Variants in TRPV3 observed in about 807,000 individuals in gnomAD.
The protein encoded by TRPV3 is VRL-3.
Under a neutral mutation model 87.1 loss-of-function variants are expected in TRPV3, and 88 were observed. That is an observed-to-expected ratio of 1.01 (90% CI 0.85 to 1.21). TRPV3 has a LOEUF of 1.21. TRPV3 is among the 50% of genes most tolerant of loss of function. The pLI, the probability that TRPV3 is intolerant of heterozygous loss-of-function variation, is 0.00. For synonymous variants in TRPV3, 438 were observed against 423.3 expected (o/e 1.03, Z -0.43); for missense variants, 1,054 against 1,030.1 (o/e 1.02, Z -0.32).
intron 17 of TRPV3, 63 bp from the exon 18 acceptor site, chr17:3,514,074 CTTTTTCTTT>C (rs539984194): frequency 7.8e-5 from 109 of 1,403,826 alleles, no homozygotes; most frequent in Non-Finnish European, 9.0e-5. Flanking sequence ...TTTCTTTTTT[CTTTTTCTTT>C]TTTTTCTTTT....
At chr17:3,523,043 C>T (rs1272973938) in intron 13 of TRPV3, among the ~76,000 whole-genome samples, 3 of 152,040 alleles carry the variant, frequency 2.0e-5, no homozygotes, top group Admixed American at 6.6e-5. Flanking sequence ...ACTGTATTTA[C>T]ATCATGAAAA....
chr17:3,517,032 C>G (rs1258109749), intron 15 of TRPV3, among the ~76,000 whole-genome samples: 4 of 152,206 alleles, frequency 2.6e-5, no homozygotes, highest in African/African-American at 9.6e-5. Context: ...ATAATCCCAG[C>G]TACTCGGGAG....
chr17:3,522,602 C>T lies in TRPV3; in HGVS notation c.1744-1563G>A, dbSNP rs536485587. On this transcript the variant is annotated intron_variant, in intron 13 of 17. Coordinates refer to ENST00000576742, the MANE Select transcript of TRPV3 (RefSeq NM_145068.4). ...TGGGAGGCCGAGGCGGACGGATCAC[C>T]TGAGGTCAAGAGTTGGAGACCAGCC... 1.4e-3 allele frequency among the ~76,000 whole-genome samples: 205 copies of T among 150,160 alleles called. 1 individual carries two copies. Among genetic ancestry groups the T allele is most frequent in the African/African-American group, 4.1e-3 (169 of 40,824 alleles).
At position 3,557,337 on chromosome 17, in the gene TRPV3, C is replaced by G. The variant is rs1052855196; in HGVS notation, c.-3+339G>C. ...CCCATCACAATCCTGCCCCAGAAAG[C>G]CACCTCCCTGGGTCAGCCTCGGGAG... On this transcript the variant is annotated intron_variant, in intron 1 of 17. Transcript: ENST00000576742. This position sits in a 1 kb window ranked among gnomAD's most constrained non-coding sequence, Gnocchi z 4.5. Among the ~76,000 whole-genome samples, 3 of 152,206 alleles carry G rather than the reference C, an allele frequency of 2.0e-5. No homozygotes were observed. The highest frequency in any genetic ancestry group is 4.4e-5 in the Non-Finnish European group (3 of 68,030).
Position 3,518,642 on chromosome 17 carries a change from G to A in TRPV3, c.2019C>T (p.Leu673=), listed in dbSNP as rs1365683743. The change falls in exon 15 of 18, where the codon CTC becomes CTT. Residue 673 remains leucine (L), a synonymous_variant. Coordinates refer to ENST00000576742, the MANE Select transcript of TRPV3 (RefSeq NM_145068.4). This position sits in a 1 kb window ranked among gnomAD's most constrained non-coding sequence, Gnocchi z 4.3. ...ILTFVLLLNM[L]IALMGETVEN... ...CCACAGTCTCGCCCATCAGAGCAAT[G>A]AGCATGTTGAGGAGGAGAACAAAGG... The A allele has an allele frequency of 1.3e-5, 21 of 1,593,146 alleles. No individual in the cohort carries two copies. Among genetic ancestry groups the A allele is most frequent in the Non-Finnish European group, 1.8e-5 (21 of 1,169,452 alleles).
chr17:3,520,419 A>T (rs2074235811), intron 14 of TRPV3, among the ~76,000 whole-genome samples: 1 of 152,186 alleles, frequency 6.6e-6, no homozygotes, highest in African/African-American at 2.4e-5. Context: ...CTTTGCAAAG[A>T]CCATCAGTTG....
rs998787745 is a variant in TRPV3 at position 3,528,726 on chromosome 17, G to C, written c.1401+111C>G. The C allele has an allele frequency of 1.5e-6, 2 of 1,320,508 alleles. No individual in the cohort carries two copies. Among genetic ancestry groups the C allele is most frequent in the African/African-American group, 2.9e-5 (2 of 68,020 alleles). 81.8% of individuals were successfully genotyped at this position (1,320,508 alleles called of 1,614,324 possible). A position where few individuals can be genotyped will look rare whatever the true frequency, so the allele number is the denominator to read the frequency against. On this transcript the variant is annotated intron_variant, in intron 10 of 17. Coordinates refer to ENST00000576742, the MANE Select transcript of TRPV3 (RefSeq NM_145068.4). The surrounding 1 kb of genome is among the most constrained non-coding windows in gnomAD (Gnocchi z 4.2). ...GCGTGAAGGACAACTGGGGGACCCCGCCCAATCTCCTGGTCTCTCTGGGCC... is the reference window on the plus strand; with the variant it reads ...GCGTGAAGGACAACTGGGGGACCCCCCCCAATCTCCTGGTCTCTCTGGGCC...
intron 7 of TRPV3, 135 bp downstream of exon 7, chr17:3,535,437 TC>T: frequency 3.1e-6 from 1 of 327,344 alleles, no homozygotes; most frequent in Non-Finnish European, 4.3e-6. Flanking sequence ...TTCCTCCCTC[TC>T]CCTCCTCACT....
At chr17:3,555,217 C>G (rs1487656021) in intron 1 of TRPV3, among the ~76,000 whole-genome samples, 1 of 152,136 alleles carries the variant, frequency 6.6e-6, no homozygotes, top group African/African-American at 2.4e-5. Context: ...CCACCATGCC[C>G]CTGTCCTCTC....
intron 7 of TRPV3, among the ~76,000 whole-genome samples, chr17:3,535,305 C>T (rs552651657): frequency 1.1e-5 from 1 of 92,590 alleles, no homozygotes; most frequent in East Asian, 3.4e-4. Context: ...TTCCTGCTTC[C>T]CTCTTCCTTT....
chr17:3,536,095 G>C (rs1462055974), intron 6 of TRPV3, among the ~76,000 whole-genome samples: 1 of 152,216 alleles, frequency 6.6e-6, no homozygotes, highest in African/African-American at 2.4e-5. Context: ...GGGCTTCCCA[G>C]AGCTCTCTAA....
Position 3,524,284 on chromosome 17 carries a change from G to A in TRPV3, c.1657C>T (p.Leu553=). The A allele has an allele frequency of 5.6e-6, 9 of 1,614,292 alleles. No individual in the cohort carries two copies. Among genetic ancestry groups the A allele is most frequent in the Non-Finnish European group, 7.6e-6 (9 of 1,180,056 alleles). Residue 553 remains leucine, a synonymous_variant, in exon 13 of 18, where the codon CTG becomes TTG. Coordinates refer to ENST00000576742, the MANE Select transcript of TRPV3 (RefSeq NM_145068.4). The part of the protein sequence containing the change: ...AYKEYLACLV[L]AMALGWANML... Reference sequence around the variant, plus strand: ...TTCGCCCAGCCCAGGGCCATGGCCAGCACGAGGCAGGCGAGGTACTCTTTG... The same window carrying A: ...TTCGCCCAGCCCAGGGCCATGGCCAACACGAGGCAGGCGAGGTACTCTTTG...
chr17:3,556,387 C>T lies in TRPV3; in HGVS notation c.-3+1289G>A, dbSNP rs1195530094. ...AGGGACGGGGAAGGGGGCCAGCTGGCCACAGAGGGATGACATGGGCGGGGA... is the reference window on the plus strand; with the variant it reads ...AGGGACGGGGAAGGGGGCCAGCTGGTCACAGAGGGATGACATGGGCGGGGA... On this transcript the variant is annotated intron_variant, in intron 1 of 17. Coordinates refer to ENST00000576742, the MANE Select transcript of TRPV3 (RefSeq NM_145068.4). This position sits in a 1 kb window ranked among gnomAD's most constrained non-coding sequence, Gnocchi z 4.2. 3.3e-5 allele frequency among the ~76,000 whole-genome samples: 5 copies of T among 151,372 alleles called. No homozygotes were observed. Among genetic ancestry groups the T allele is most frequent in the African/African-American group, 1.2e-4 (5 of 41,140 alleles).
At chr17:3,548,573 C>A (rs937967862) in intron 2 of TRPV3, among the ~76,000 whole-genome samples, 47 of 152,226 alleles carry the variant, frequency 3.1e-4, no homozygotes, top group African/African-American at 8.9e-4. Context: ...GCCCTTTCCT[C>A]CAGCACAGAC....
At chr17:3,537,891 TTAAA>T (rs2074422518) in intron 6 of TRPV3, among the ~76,000 whole-genome samples, 11 of 69,746 alleles carry the variant, frequency 1.6e-4, no homozygotes, top group Non-Finnish European at 1.8e-4. Context: ...CTCTGTCTTT[TTAAA>T]AAAAAAAAAA....
Position 3,530,040 on chromosome 17 carries a change from T to C in TRPV3, c.1229A>G (p.Asn410Ser). ...DNSVLEITVY[N>S]TNIDNRHEML... ...CAGGAGACCCACGTCGATGTTGGTG[T>C]TGTAGACAGTGATTTCCAGCACTGA... The change falls in exon 9 of 18, where the codon AAC (asparagine) becomes AGC (serine). Residue 410 changes from asparagine to serine, a missense_variant. Coordinates refer to ENST00000576742, the MANE Select transcript of TRPV3 (RefSeq NM_145068.4). The surrounding 1 kb of genome is among the most constrained non-coding windows in gnomAD (Gnocchi z 4.0). The C allele has an allele frequency of 6.2e-7, 1 of 1,613,390 alleles. No individual in the cohort carries two copies. Among genetic ancestry groups the C allele is most frequent in the South Asian group, 1.1e-5 (1 of 90,826 alleles).
At chr17:3,532,569 T>A (rs566113308) in intron 8 of TRPV3, 88 bp downstream of exon 8, 9 of 1,482,682 alleles carry the variant, frequency 6.1e-6, no homozygotes, top group African/African-American at 4.1e-5. Flanking sequence ...GGTTTGTGAA[T>A]CCCCAGTAAG....
rs560321705 is a variant in TRPV3 at position 3,530,400 on chromosome 17, A to G, written c.1066-197T>C. The G allele has an allele frequency of 1.1e-5, 5 of 439,832 alleles. No individual in the cohort carries two copies. The Admixed American group carries it at 1.8e-4, about 16-fold the overall frequency. 27.2% of individuals were successfully genotyped at this position (439,832 alleles called of 1,614,324 possible). A position where few individuals can be genotyped will look rare whatever the true frequency, so the allele number is the denominator to read the frequency against. On this transcript the variant is annotated intron_variant, in intron 8 of 17. Coordinates refer to ENST00000576742, the MANE Select transcript of TRPV3 (RefSeq NM_145068.4). The surrounding 1 kb of genome is among the most constrained non-coding windows in gnomAD (Gnocchi z 4.0). ...GCGCACAAAGCTTGCTGTTCCGCCCATCTCACTGGGGGTTGTGAATACCAG... is the reference window on the plus strand; with the variant it reads ...GCGCACAAAGCTTGCTGTTCCGCCCGTCTCACTGGGGGTTGTGAATACCAG...
intron 1 of TRPV3, among the ~76,000 whole-genome samples, chr17:3,555,134 C>T (rs1272312543): frequency 1.3e-5 from 2 of 152,184 alleles, no homozygotes; most frequent in East Asian, 3.8e-4. Flanking sequence ...TCTCATGACA[C>T]CCTCCCCAGC....
Sources: gnomAD v4.1 joint callset for allele counts (sites outside exome capture counted in the v4.1 genomes callset) on GRCh38, gnomAD v4.1.1 for gene constraint, Gnocchi (gnomAD v3.1) non-coding constraint, MANE v1.5 for transcripts, NCBI Gene and HGNC (gene_info 2026-07-23, HGNC 2026-07-21) for gene names.